The following HSD17B12 variants were observed in gnomAD, a reference collection of about 807,000 sequenced individuals.
The protein encoded by HSD17B12 is hydroxysteroid 17-beta dehydrogenase 12.
HSD17B12 carries 32 observed loss-of-function variants against 39.3 expected under a neutral mutation model. That is an observed-to-expected ratio of 0.81 (90% CI 0.61 to 1.09). The LOEUF is 1.09. Among genes scored for constraint, HSD17B12 ranks in the 50% least tolerant of loss-of-function variants. The pLI, the probability that HSD17B12 is intolerant of heterozygous loss-of-function variation, is 0.00. For missense variants in HSD17B12, 342 were observed against 382.9 expected, an observed-to-expected ratio of 0.89 and a Z score of 0.89; for synonymous variants, 150 against 146.7, an observed-to-expected ratio of 1.02 and a Z score of -0.16.
At chr11:43,558,279 G>A in the HSD17B12 span, among the ~76,000 whole-genome samples, 2 of 152,116 alleles carry the variant, frequency 1.3e-5, no homozygotes, top group African/African-American at 2.4e-5. Flanking sequence ...AAATCCCCCA[G>A]AGGTCTGAAA....
At chr11:43,695,237 G>A (rs1184482782) in intron 1 of HSD17B12, among the ~76,000 whole-genome samples, 1 of 152,072 alleles carries the variant, frequency 6.6e-6, no homozygotes, top group African/African-American at 2.4e-5. Flanking sequence ...ACCAGGGCTT[G>A]GTTTATAATA....
At chr11:43,788,370 G>A (rs190502402) in intron 3 of HSD17B12, among the ~76,000 whole-genome samples, 110 of 152,234 alleles carry the variant, frequency 7.2e-4, no homozygotes, top group African/African-American at 2.6e-3. Context: ...TGCAGAACTA[G>A]AAAGACTGTT....
In HSD17B12 at chr11:43,855,281, G is replaced by A; in HGVS notation, c.*33G>A. 1 of 1,384,336 alleles carries A rather than the reference G, an allele frequency of 7.2e-7. No individual in the cohort carries two copies. The highest frequency in any genetic ancestry group is 1.0e-6 in the Non-Finnish European group (1 of 990,494). The allele number at this position is 1,384,336 out of a possible 1,614,324, so 85.8% of individuals were successfully genotyped here. A position where few individuals can be genotyped will look rare whatever the true frequency, so the allele number is the denominator to read the frequency against. On this transcript the variant is annotated 3_prime_UTR_variant, in exon 11 of 11. Coordinates refer to ENST00000278353, the MANE Select transcript of HSD17B12 (RefSeq NM_016142.3). ...TAACTGCATTGTAACTTGGCCAGAT[G>A]CTCCAGCATATGCACGTTCACTGCA...
the HSD17B12 span, among the ~76,000 whole-genome samples, chr11:43,604,674 A>G: frequency 6.6e-6 from 1 of 152,142 alleles, no homozygotes; most frequent in East Asian, 1.9e-4. Flanking sequence ...CTGTGATTCC[A>G]CACAAGTCCC....
intron 1 of HSD17B12, among the ~76,000 whole-genome samples, chr11:43,709,248 C>T (rs1178551286): frequency 6.6e-6 from 1 of 152,238 alleles, no homozygotes; most frequent in Admixed American, 6.5e-5. Flanking sequence ...GCCTCAGCCT[C>T]CCGAGTAGCG....
At position 43,777,010 on chromosome 11, in the gene HSD17B12, G is replaced by C. The variant is rs11037626; in HGVS notation, c.284-21310G>C. ...ACCATGCTGTTTTGATTACTGTAGC[G>C]TTGTAGTATAGTTTGAAGTCAGGTA... On this transcript the variant is annotated intron_variant, in intron 3 of 10. Transcript: ENST00000278353. Among the ~76,000 whole-genome samples, 1,039 of 152,176 alleles carry C rather than the reference G, an allele frequency of 6.8e-3. 6 individuals carry two copies. The highest frequency in any genetic ancestry group is 0.044 in the East Asian group (227 of 5,166).
intron 3 of HSD17B12, among the ~76,000 whole-genome samples, chr11:43,763,352 G>A (rs1411192441): frequency 6.6e-6 from 1 of 151,920 alleles, no homozygotes. Flanking sequence ...TCAACAACAT[G>A]ACAAAAGTCA....
At chr11:43,711,516 C>T (rs1238473793) in intron 1 of HSD17B12, among the ~76,000 whole-genome samples, 1 of 148,828 alleles carries the variant, frequency 6.7e-6, no homozygotes, top group East Asian at 2.0e-4. Flanking sequence ...GCTCTGTTGC[C>T]GAGGCTAGAG....
chr11:43,682,016 G>A (rs1205227272), intron 1 of HSD17B12, among the ~76,000 whole-genome samples: 1 of 152,006 alleles, frequency 6.6e-6, no homozygotes, highest in Non-Finnish European at 1.5e-5. Context: ...ATTGAATTTT[G>A]GGGTGGTTAG....
chr11:43,640,660 G>A, the HSD17B12 span, among the ~76,000 whole-genome samples: 9 of 152,032 alleles, frequency 5.9e-5, no homozygotes, highest in African/African-American at 2.2e-4. Context: ...GATAAGGCTA[G>A]TTAATTATTT....
At chr11:43,619,394 CTT>C in the HSD17B12 span, among the ~76,000 whole-genome samples, 1 of 134,182 alleles carries the variant, frequency 7.5e-6, no homozygotes, top group Non-Finnish European at 1.6e-5. Flanking sequence ...TTTTTCTTTT[CTT>C]TTTTTTTTTT....
At chr11:43,596,121 C>T in the HSD17B12 span, among the ~76,000 whole-genome samples, 1 of 151,778 alleles carries the variant, frequency 6.6e-6, no homozygotes, top group Non-Finnish European at 1.5e-5. Flanking sequence ...AAACTCCTGG[C>T]CTCAGGCAAT....
chr11:43,854,906 T>C (rs1470311858), intron 10 of HSD17B12, 42 bp downstream of exon 10: 24 of 1,601,472 alleles, frequency 1.5e-5, no homozygotes, highest in Admixed American at 5.1e-5. Context: ...CTTTCTGGCT[T>C]GGGGTTTCTT....
At chr11:43,747,539 G>C (rs572113445) in intron 1 of HSD17B12, among the ~76,000 whole-genome samples, 45 of 152,290 alleles carry the variant, frequency 3.0e-4, no homozygotes, top group Admixed American at 7.2e-4. Flanking sequence ...TTGCCATCAT[G>C]TTCCCATGCT....
At chr11:43,644,872 A>G in the HSD17B12 span, 1 of 152,108 alleles carries the variant, frequency 6.6e-6, no homozygotes, top group African/African-American at 2.4e-5. Context: ...CTACTTGTGA[A>G]ATGCCTTCTT....
intron 1 of HSD17B12, among the ~76,000 whole-genome samples, chr11:43,717,477 A>C (rs1483804762): frequency 6.6e-6 from 1 of 152,198 alleles, no homozygotes; most frequent in African/African-American, 2.4e-5. Context: ...CCTAAAACTT[A>C]GTGATTAAAA....
intron 8 of HSD17B12, 110 bp downstream of exon 8, chr11:43,838,508 C>A: frequency 1.2e-6 from 1 of 812,022 alleles, no homozygotes; most frequent in South Asian, 1.5e-5. Context: ...GGCAGTTTTC[C>A]AGTAGACTGA....
chr11:43,838,654 C>CG (rs1371401247), intron 8 of HSD17B12, among the ~76,000 whole-genome samples: 2 of 151,740 alleles, frequency 1.3e-5, no homozygotes, highest in Non-Finnish European at 2.9e-5. Flanking sequence ...TTTTTCTCCC[C>CG]CCAGCACTCT....
chr11:43,611,588 T>A, the HSD17B12 span, among the ~76,000 whole-genome samples: 1 of 152,178 alleles, frequency 6.6e-6, no homozygotes, highest in Non-Finnish European at 1.5e-5. Context: ...CCAGACTGGG[T>A]TGGAGCCTCA....
Sources: gnomAD v4.1 joint callset for allele counts (sites outside exome capture counted in the v4.1 genomes callset) on GRCh38, gnomAD v4.1.1 for gene constraint, MANE v1.5 for transcripts, NCBI Gene and HGNC (gene_info 2026-07-23, HGNC 2026-07-21) for gene names.